JHY: variants seen among roughly 807,000 people sequenced by gnomAD.
JHY encodes junctional cadherin complex regulator, also known as jhy protein homolog.
Under a neutral mutation model 78.0 loss-of-function variants are expected in JHY, and 69 were observed. The observed-to-expected ratio is 0.88, with a 90% CI of 0.73 to 1.08. The LOEUF is 1.08. JHY is among the 50% of genes least tolerant of loss of function. JHY has a pLI of 0.00. For missense variants in JHY, 944 were observed against 927.8 expected (o/e 1.02, Z -0.23); for synonymous variants, 368 against 342.6 (o/e 1.07, Z -0.82).
intron 8 of JHY, among the ~76,000 whole-genome samples, chr11:122,957,779 C>T (rs572150568): frequency 4.1e-4 from 61 of 149,572 alleles, no homozygotes; most frequent in Non-Finnish European, 6.4e-4. Context: ...CCATCATTCA[C>T]AGATAGCAAT....
chr11:122,949,636 C>T (rs1187769393), intron 6 of JHY, among the ~76,000 whole-genome samples: 3 of 152,044 alleles, frequency 2.0e-5, no homozygotes, highest in Non-Finnish European at 2.9e-5. Context: ...AGAGTTCTTA[C>T]CCCAGCTCCT....
chr11:122,901,605 G>A (rs1862860774), intron 2 of JHY, among the ~76,000 whole-genome samples: 1 of 151,790 alleles, frequency 6.6e-6, no homozygotes, highest in South Asian at 2.1e-4. Context: ...TGGGCGCGGT[G>A]GCTCACGCCT....
intron 6 of JHY, among the ~76,000 whole-genome samples, chr11:122,954,807 A>T (rs890051805): frequency 4.6e-5 from 5 of 109,132 alleles, no homozygotes; most frequent in Admixed American, 8.0e-5. Flanking sequence ...CTAAATAAAT[A>T]GATAAAATTT....
intron 5 of JHY, among the ~76,000 whole-genome samples, chr11:122,938,820 T>G (rs1052540508): frequency 1.3e-5 from 2 of 151,916 alleles, no homozygotes; most frequent in South Asian, 2.1e-4. Context: ...GTTTTAGGTC[T>G]TTTCTCTTGG....
At chr11:122,893,224 G>A (rs1298695715) in intron 2 of JHY, among the ~76,000 whole-genome samples, 4 of 152,114 alleles carry the variant, frequency 2.6e-5, no homozygotes, top group African/African-American at 9.7e-5. Flanking sequence ...GTGACTTTTT[G>A]TTGCAGGTAT....
rs751121199 is a variant in JHY, at chr11:122,946,656, C to A, written c.1793C>A (p.Ser598Ter). 7 of 1,613,970 alleles carry A rather than the reference C, an allele frequency of 4.3e-6. No homozygotes were observed. The highest frequency in any genetic ancestry group is 5.9e-6 in the Non-Finnish European group (7 of 1,180,002). Residue 598 changes from serine (S) to a stop codon, truncating the protein, a stop_gained, in exon 6 of 9, where the codon TCA (serine) becomes TAA (stop). Coordinates refer to ENST00000227349, the MANE Select transcript of JHY (RefSeq NM_024806.4). LOFTEE classifies it high-confidence loss of function. The part of the protein sequence containing the change: ...LSSVTLPPIL[S>*]RVESESQLSS... ...AGCGTCACGCTTCCACCTATACTGT[C>A]AAGGGTAGAAAGTGAATCCCAACTC...
intron 2 of JHY, among the ~76,000 whole-genome samples, chr11:122,886,684 G>A (rs1432247858): frequency 6.6e-6 from 1 of 152,108 alleles, no homozygotes; most frequent in Non-Finnish European, 1.5e-5. Context: ...CTAGCCTCAA[G>A]CAATCCTTCC....
intron 2 of JHY, among the ~76,000 whole-genome samples, chr11:122,895,890 A>G (rs955566629): frequency 2.6e-5 from 4 of 152,178 alleles, no homozygotes; most frequent in Admixed American, 6.5e-5. Flanking sequence ...TATTTTGACC[A>G]TTAGATTTGT....
rs928677360 is a variant in JHY at position 122,885,749 on chromosome 11, A to C, written c.-89-12A>C. 2.0e-5 allele frequency: 17 copies of C among 857,556 alleles called. No individual in the cohort carries two copies. In the East Asian group the frequency reaches 4.4e-4, roughly 22 times the overall value. 53.1% of individuals were successfully genotyped at this position (857,556 alleles called of 1,614,324 possible). ...AGTGGTCGCAGAGTAACATAAATAT[A>C]TTTTTTTTCAGGTAACGCTTTTGTG... On this transcript the variant is annotated splice_polypyrimidine_tract_variant and intron_variant, in intron 1 of 8. Coordinates refer to ENST00000227349, the MANE Select transcript of JHY (RefSeq NM_024806.4).
intron 3 of JHY, among the ~76,000 whole-genome samples, chr11:122,919,730 G>C (rs1038801512): frequency 2.6e-5 from 4 of 152,180 alleles, no homozygotes; most frequent in African/African-American, 9.7e-5. Flanking sequence ...TGTAATCCCA[G>C]CACTTTGGGA....
chr11:122,951,998 T>TC (rs1864097590), intron 6 of JHY, among the ~76,000 whole-genome samples: 1 of 152,076 alleles, frequency 6.6e-6, no homozygotes. Context: ...TACTTTTTTT[T>TC]TTTTTTTTTA....
At chr11:122,936,682 A>G (rs998672571) in intron 5 of JHY, among the ~76,000 whole-genome samples, 3 of 152,146 alleles carry the variant, frequency 2.0e-5, no homozygotes, top group African/African-American at 7.2e-5. Flanking sequence ...GATTTTTCTG[A>G]TAACCCTTTT....
chr11:122,903,093 C>T (rs1469562325), intron 2 of JHY, among the ~76,000 whole-genome samples: 1 of 152,164 alleles, frequency 6.6e-6, no homozygotes, highest in Non-Finnish European at 1.5e-5. Context: ...AGGGCTACAG[C>T]GTCACTAGGT....
intron 3 of JHY, among the ~76,000 whole-genome samples, chr11:122,910,971 A>G (rs1227990615): frequency 6.6e-6 from 1 of 152,198 alleles, no homozygotes; most frequent in Non-Finnish European, 1.5e-5. Context: ...ACCAACACAC[A>G]CTAGAGGGCA....
chr11:122,890,723 A>G (rs1029088548), intron 2 of JHY, among the ~76,000 whole-genome samples: 1 of 152,200 alleles, frequency 6.6e-6, no homozygotes, highest in Non-Finnish European at 1.5e-5. Flanking sequence ...AATCAAAATT[A>G]TGGTTAGATC....
chr11:122,904,018 G>A lies in JHY; in HGVS notation c.438G>A (p.Ala146=), dbSNP rs34965587. ...AAGGGCAGCTGCTGTCTGTGGAAGC[G>A]TTGCCGGAGTCCACGGACAGCTCTT... ...KEEGQLLSVE[A]LPESTDSSLE... Residue 146 remains alanine, a synonymous_variant, in exon 3 of 9, where the codon GCG becomes GCA. Coordinates refer to ENST00000227349, the MANE Select transcript of JHY (RefSeq NM_024806.4). The A allele has an allele frequency of 1.2e-3, 1,955 of 1,614,134 alleles. 9 individuals are homozygous for A. In the African/African-American group the frequency reaches 0.013, roughly 11 times the overall value.
In JHY at chr11:122,898,820, C is replaced by T. The variant is rs542240562; in HGVS notation, c.345-5105C>T. On this transcript the variant is annotated intron_variant, in intron 2 of 8. Transcript: ENST00000227349. This position sits in a 1 kb window ranked among gnomAD's most constrained non-coding sequence, Gnocchi z 4.4. ...CCCGAGCTGCTTCAAGTGTTTGCAA[C>T]GTCCCTCGAGATCTGACCTTTGCTT... is the stretch of plus-strand genomic sequence containing the variant. 7.2e-5 allele frequency among the ~76,000 whole-genome samples: 11 copies of T among 152,234 alleles called. No individual in the cohort carries two copies. Among genetic ancestry groups the T allele is most frequent in the African/African-American group, 1.2e-4 (5 of 41,468 alleles).
At chr11:122,957,217 GCT>G in intron 7 of JHY, 144 bp from the exon 8 acceptor site, 1 of 828,290 alleles carries the variant, frequency 1.2e-6, no homozygotes, top group Non-Finnish European at 1.7e-6. Flanking sequence ...CCATTTCACT[GCT>G]GCCACCTTAC....
chr11:122,952,229 A>G (rs1051388096), intron 6 of JHY, among the ~76,000 whole-genome samples: 1 of 152,146 alleles, frequency 6.6e-6, no homozygotes, highest in African/African-American at 2.4e-5. Flanking sequence ...GAATGTGGTG[A>G]TGTTTACACA....
Sources: allele counts gnomAD v4.1 joint callset (sites outside exome capture counted in the v4.1 genomes callset), GRCh38; gene constraint gnomAD v4.1.1; non-coding constraint Gnocchi (gnomAD v3.1); transcripts MANE v1.5; gene names NCBI Gene and HGNC (gene_info 2026-07-23, HGNC 2026-07-21).